Variants in NFE2L2 observed in about 807,000 individuals in gnomAD.
NFE2L2 encodes the protein nuclear factor erythroid 2-related factor 2.
NFE2L2 carries 20 observed loss-of-function variants against 49.6 expected under a neutral mutation model. The ratio of observed to expected loss-of-function variants is 0.40; its 90% CI spans 0.28 to 0.59. NFE2L2 has a LOEUF of 0.59. Ranked by LOEUF, NFE2L2 falls within the 20% of genes least tolerant of loss-of-function variation. The pLI is 0.40. For missense variants in NFE2L2, 578 were observed against 714.2 expected (o/e 0.81, Z 2.17); for synonymous variants, 244 against 256.5 (o/e 0.95, Z 0.47).
chr2:177,263,596 C>G (rs993609402), intron 1 of NFE2L2: 12 of 985,292 alleles, frequency 1.2e-5, no homozygotes, highest in Non-Finnish European at 1.4e-5. Context: ...CCGAGGGCTG[C>G]TGTGACGGCC....
intron 1 of NFE2L2, among the ~76,000 whole-genome samples, chr2:177,261,305 A>T (rs1015018789): frequency 6.6e-6 from 1 of 152,194 alleles, no homozygotes; most frequent in Non-Finnish European, 1.5e-5. Flanking sequence ...TGTATTTAAC[A>T]AGGTCCACCT....
chr2:177,236,424 C>T (rs1253629028), intron 1 of NFE2L2, among the ~76,000 whole-genome samples: 2 of 152,168 alleles, frequency 1.3e-5, no homozygotes, highest in Non-Finnish European at 2.9e-5. Flanking sequence ...GTTAGGTATA[C>T]CTCACTAGGA....
chr2:177,236,848 T>A (rs1689768742), intron 1 of NFE2L2, among the ~76,000 whole-genome samples: 1 of 152,152 alleles, frequency 6.6e-6, no homozygotes, highest in East Asian at 1.9e-4. Context: ...TTTTCCACTT[T>A]TTTCCTTTTG....
At chr2:177,234,349 A>AT (rs1190440200) in intron 1 of NFE2L2, 78 bp from the exon 2 acceptor site, 2 of 1,467,700 alleles carry the variant, frequency 1.4e-6, no homozygotes, top group Non-Finnish European at 1.8e-6. Flanking sequence ...AATTCACATT[A>AT]TGCCACTGTT....
intron 1 of NFE2L2, chr2:177,264,012 C>A: frequency 1.1e-6 from 1 of 931,030 alleles, no homozygotes; most frequent in South Asian, 4.9e-5. Context: ...TCTTGGGGCG[C>A]GGCGAAGGGG....
At chr2:177,239,095 A>G (rs1054066004) in intron 1 of NFE2L2, among the ~76,000 whole-genome samples, 3 of 152,238 alleles carry the variant, frequency 2.0e-5, no homozygotes, top group Non-Finnish European at 4.4e-5. Context: ...TTCCCTTGAC[A>G]TGACCAGAAA....
chr2:177,230,472 A>G lies in NFE2L2; in HGVS notation c.*313T>C, dbSNP rs1423806774. ...AATAATTTCTTTTTAGCCAGATGTC[A>G]TATCATCATATAAATCTATGAATAT... On this transcript the variant is annotated 3_prime_UTR_variant, in exon 5 of 5. Transcript: ENST00000397062. The G allele has an allele frequency of 1.5e-5, 4 of 265,298 alleles. No individual in the cohort carries two copies. The highest frequency in any genetic ancestry group is 1.1e-4 in the East Asian group (2 of 17,598). 16.4% of individuals were successfully genotyped at this position (265,298 alleles called of 1,614,324 possible). A position where few individuals can be genotyped will look rare whatever the true frequency, so the allele number is the denominator to read the frequency against.
intron 1 of NFE2L2, among the ~76,000 whole-genome samples, chr2:177,236,898 C>T (rs568048482): frequency 6.6e-6 from 1 of 152,068 alleles, no homozygotes; most frequent in South Asian, 2.1e-4. Context: ...GATAGGGTCT[C>T]ACTCTGTCAC....
In NFE2L2 at chr2:177,249,454, A is replaced by G. The variant is rs1488749935; in HGVS notation, c.45+15078T>C. On this transcript the variant is annotated intron_variant, in intron 1 of 4. Coordinates refer to ENST00000397062, the MANE Select transcript of NFE2L2 (RefSeq NM_006164.5). Reference sequence around the variant, plus strand: ...GTTGGAGCTGGATTAGGTGACCCCCAAGATCCTTTCCTCTAAATACCTCTG... The same window carrying G: ...GTTGGAGCTGGATTAGGTGACCCCCGAGATCCTTTCCTCTAAATACCTCTG... Among the ~76,000 whole-genome samples, 5 of 152,276 alleles carry G rather than the reference A, an allele frequency of 3.3e-5. No homozygotes were observed. In the East Asian group the frequency reaches 9.6e-4, roughly 29 times the overall value.
intron 1 of NFE2L2, among the ~76,000 whole-genome samples, chr2:177,242,461 C>G (rs1460354673): frequency 6.6e-6 from 1 of 152,144 alleles, no homozygotes; most frequent in Non-Finnish European, 1.5e-5. Flanking sequence ...AAGTTAAAAC[C>G]CTAGTTCACA....
intron 1 of NFE2L2, among the ~76,000 whole-genome samples, chr2:177,241,173 T>A (rs1443157084): frequency 6.6e-6 from 1 of 152,236 alleles, no homozygotes; most frequent in East Asian, 1.9e-4. Context: ...CCTTGATCTT[T>A]TTACTTTCAT....
At chr2:177,263,638 G>A in intron 1 of NFE2L2, 1 of 985,490 alleles carries the variant, frequency 1.0e-6, no homozygotes, top group Non-Finnish European at 1.2e-6. Context: ...CCAAGGCCAC[G>A]CGCGCGGTGA....
At chr2:177,251,235 G>A (rs577146337) in intron 1 of NFE2L2, among the ~76,000 whole-genome samples, 1 of 152,194 alleles carries the variant, frequency 6.6e-6, no homozygotes, top group Admixed American at 6.5e-5. Flanking sequence ...TACAAAAGAA[G>A]TGTCTTAAAG....
Position 177,234,263 on chromosome 2 carries a change from A to C in NFE2L2, c.54T>G (p.Asp18Glu), listed in dbSNP as rs2105459729. ...CTTGCCTCCAAAGTATGTCAATCAA[A>C]TCCATGTCCTATGTTTAAGACAAAA... The part of the protein sequence containing the change: ...PPGLPSQQDM[D>E]LIDILWRQDI... The change falls in exon 2 of 5, where the codon GAT becomes GAG. Residue 18 changes from aspartate to glutamate, a missense_variant. Around this residue, in one of 3 missense-constraint regions of NFE2L2, gnomAD observed 93 missense variants for 153.9 expected, o/e 0.60. Coordinates refer to ENST00000397062, the MANE Select transcript of NFE2L2 (RefSeq NM_006164.5). The C allele has an allele frequency of 6.2e-7, 1 of 1,608,656 alleles. No homozygotes were observed. The highest frequency in any genetic ancestry group is 8.5e-7 in the Non-Finnish European group (1 of 1,178,680).
chr2:177,233,998 T>C lies in NFE2L2; in HGVS notation c.312+7A>G. On this transcript the variant is annotated splice_region_variant and intron_variant, in intron 2 of 4. Transcript: ENST00000397062. ...CATAACTTTCCCAAGAACTGAGTAC[T>C]CTGTACCTGGGAGTAGTTGGCAGAT... 4 of 1,614,168 alleles carry C rather than the reference T, an allele frequency of 2.5e-6. No individual in the cohort carries two copies. The highest frequency in any genetic ancestry group is 3.4e-6 in the Non-Finnish European group (4 of 1,180,018).
At chr2:177,264,328 T>C in intron 1 of NFE2L2, 3 of 510,548 alleles carry the variant, frequency 5.9e-6, no homozygotes, top group South Asian at 5.9e-5. Flanking sequence ...GGGCTCGTGG[T>C]CGGTCGGATC....
At chr2:177,244,027 G>A (rs1334162594) in intron 1 of NFE2L2, among the ~76,000 whole-genome samples, 2 of 151,836 alleles carry the variant, frequency 1.3e-5, no homozygotes, top group African/African-American at 4.8e-5. Flanking sequence ...CTTGCTGGGT[G>A]CGGTGGCTCA....
At chr2:177,236,495 C>G (rs1689754883) in intron 1 of NFE2L2, among the ~76,000 whole-genome samples, 1 of 152,144 alleles carries the variant, frequency 6.6e-6, no homozygotes, top group East Asian at 1.9e-4. Flanking sequence ...ATGCACTGTT[C>G]TAAGTACTTT....
intron 1 of NFE2L2, among the ~76,000 whole-genome samples, chr2:177,250,564 A>G (rs1448996583): frequency 6.6e-6 from 1 of 152,240 alleles, no homozygotes; most frequent in African/African-American, 2.4e-5. Context: ...ATGCACACCA[A>G]TCCACCCAGG....
Sources: gnomAD v4.1 joint callset for allele counts (sites outside exome capture counted in the v4.1 genomes callset) on GRCh38, gnomAD v4.1.1 for gene constraint, gnomAD v4.1.1 regional missense constraint, MANE v1.5 for transcripts, NCBI Gene and HGNC (gene_info 2026-07-23, HGNC 2026-07-21) for gene names.